CPE: variants seen among roughly 807,000 people sequenced by gnomAD.
The protein encoded by CPE is carbocypeptidase E.
A neutral mutation model predicts 53.5 loss-of-function variants in CPE; 17 were observed. That is an observed-to-expected ratio of 0.32 (90% confidence interval 0.22 to 0.48). The LOEUF (loss-of-function observed/expected upper bound fraction) is 0.48. Ranked by LOEUF, CPE falls within the 20% of genes least tolerant of loss-of-function variation. CPE has a pLI of 0.99. For synonymous variants in CPE, 226 were observed against 228.8 expected (o/e 0.99, Z 0.11); for missense variants, 524 against 614.7 (o/e 0.85, Z 1.56).
intron 1 of CPE, chr4:165,404,772 C>G: frequency 2.6e-6 from 2 of 779,294 alleles, no homozygotes; most frequent in East Asian, 2.4e-5. Flanking sequence ...TGCTTGAGAC[C>G]GATTGCTACA....
intron 1 of CPE, among the ~76,000 whole-genome samples, chr4:165,392,627 AATG>A (rs1158386190): frequency 6.8e-6 from 1 of 146,642 alleles, no homozygotes; most frequent in Non-Finnish European, 1.5e-5. Context: ...ATACTATTAT[AATG>A]ATATTATAAA....
intron 5 of CPE, among the ~76,000 whole-genome samples, chr4:165,486,365 T>C (rs1465192101): frequency 6.6e-6 from 1 of 152,232 alleles, no homozygotes; most frequent in Non-Finnish European, 1.5e-5. Flanking sequence ...ATATTCTCTT[T>C]GGTGCTATTT....
chr4:165,441,641 A>T (rs1377390269), intron 1 of CPE, among the ~76,000 whole-genome samples: 5 of 152,132 alleles, frequency 3.3e-5, no homozygotes, highest in Non-Finnish European at 5.9e-5. Flanking sequence ...CTTTTTACAG[A>T]TCTTTAAGAA....
chr4:165,406,497 C>T (rs1213869065), intron 1 of CPE: 2 of 199,556 alleles, frequency 1.0e-5, no homozygotes, highest in East Asian at 2.7e-4. Flanking sequence ...TTGTACTGTT[C>T]TTAAGCTCCC....
chr4:165,430,606 G>A (rs1000161745), intron 1 of CPE, among the ~76,000 whole-genome samples: 1 of 152,012 alleles, frequency 6.6e-6, no homozygotes, highest in African/African-American at 2.4e-5. Flanking sequence ...CATATAGTTT[G>A]CACTTCATGT....
chr4:165,493,210 G>A lies in CPE; in HGVS notation c.1153G>A (p.Gly385Ser), dbSNP rs746859518. 2 of 1,614,016 alleles carry A rather than the reference G, an allele frequency of 1.2e-6. No individual in the cohort carries two copies. The highest frequency in any genetic ancestry group is 1.7e-6 in the Non-Finnish European group (2 of 1,179,956). Residue 385 changes from glycine to serine, a missense_variant, in exon 7 of 9, where the codon GGT becomes AGT. Coordinates refer to ENST00000402744, the MANE Select transcript of CPE (RefSeq NM_001873.4). ...TAAAGGATTTGTCCGAGACCTTCAA[G>A]GTAACCCAATTGCGAATGCCACCAT... is the stretch of plus-strand genomic sequence containing the variant. ...GVKGFVRDLQ[G>S]NPIANATISV...
chr4:165,462,769 G>T (rs1372953164), intron 1 of CPE, among the ~76,000 whole-genome samples: 2 of 152,086 alleles, frequency 1.3e-5, no homozygotes, highest in Non-Finnish European at 2.9e-5. Context: ...ACTGAGGGGG[G>T]TATAAATAGC....
intron 3 of CPE, among the ~76,000 whole-genome samples, chr4:165,472,238 A>G (rs1732219627): frequency 2.6e-5 from 4 of 152,210 alleles, no homozygotes; most frequent in Admixed American, 2.6e-4. Flanking sequence ...GAGAGTCCTG[A>G]AAGTTCTTTC....
At chr4:165,452,808 C>T (rs778440911) in intron 1 of CPE, among the ~76,000 whole-genome samples, 11 of 152,150 alleles carry the variant, frequency 7.2e-5, no homozygotes, top group South Asian at 2.1e-4. Context: ...CCTTCTCAAT[C>T]CTGCCCTGGC....
At chr4:165,412,508 G>A (rs1046038439) in intron 1 of CPE, among the ~76,000 whole-genome samples, 3 of 152,068 alleles carry the variant, frequency 2.0e-5, no homozygotes, top group East Asian at 1.9e-4. Flanking sequence ...TTATTATCTC[G>A]ATTTTACAGA....
At chr4:165,420,432 A>G (rs760921201) in intron 1 of CPE, among the ~76,000 whole-genome samples, 2 of 152,132 alleles carry the variant, frequency 1.3e-5, no homozygotes, top group Non-Finnish European at 2.9e-5. Flanking sequence ...GAGTAAAACA[A>G]CTATTTATTT....
rs1730928351 is a variant in CPE at position 165,404,917 on chromosome 4, TGGGAGA to T, written c.307+25392_307+25397del. On this transcript the variant is annotated intron_variant, in intron 1 of 8. Transcript: ENST00000402744. ...TGCTGACAGCAGCGATTTCACTGAC[TGGGAGA>T]GGAGATGTGTTACTAGCAAAGACGT... 21 of 760,656 alleles carry T rather than the reference TGGGAGA, an allele frequency of 2.8e-5. No homozygotes were observed. In the South Asian group the frequency reaches 2.8e-4, roughly 10 times the overall value. The allele number at this position is 760,656 out of a possible 1,614,324, so 47.1% of individuals were successfully genotyped here. A position where few individuals can be genotyped will look rare whatever the true frequency, so the allele number is the denominator to read the frequency against.
chr4:165,423,783 T>C (rs1422971152), intron 1 of CPE, among the ~76,000 whole-genome samples: 2 of 127,902 alleles, frequency 1.6e-5, no homozygotes, highest in East Asian at 2.6e-4. Context: ...CCCAATGCTA[T>C]CCCTCCCCCC....
chr4:165,406,215 A>G (rs1730951468), intron 1 of CPE: 1 of 666,840 alleles, frequency 1.5e-6, no homozygotes, highest in South Asian at 1.4e-5. Context: ...ATCCCCTTTG[A>G]CTCCATAGTT....
At chr4:165,438,680 G>A (rs1187243068) in intron 1 of CPE, among the ~76,000 whole-genome samples, 1 of 152,206 alleles carries the variant, frequency 6.6e-6, no homozygotes, top group East Asian at 1.9e-4. Flanking sequence ...GTTTTAAAAA[G>A]ATGAAACAGA....
rs1202649151 is a variant in CPE at position 165,463,365 on chromosome 4, T to G, written c.308-1025T>G. 7.9e-5 allele frequency among the ~76,000 whole-genome samples: 12 copies of G among 152,322 alleles called. No individual in the cohort carries two copies. In the East Asian group the frequency reaches 2.3e-3, roughly 29 times the overall value. ...GCACTTGCTATTTGTCAGGCACTGTTCTAAGCATTTACATTCATTATTTTA... is the reference window on the plus strand; with the variant it reads ...GCACTTGCTATTTGTCAGGCACTGTGCTAAGCATTTACATTCATTATTTTA... On this transcript the variant is annotated intron_variant, in intron 1 of 8. Coordinates refer to ENST00000402744, the MANE Select transcript of CPE (RefSeq NM_001873.4).
intron 1 of CPE, among the ~76,000 whole-genome samples, chr4:165,390,942 G>A (rs952977367): frequency 1.9e-4 from 29 of 152,052 alleles, no homozygotes; most frequent in Middle Eastern, 6.4e-3. Context: ...CTATTGTTTC[G>A]AGACTTCTGA....
chr4:165,475,288 G>T (rs1385464040), intron 3 of CPE, among the ~76,000 whole-genome samples: 1 of 152,196 alleles, frequency 6.6e-6, no homozygotes, highest in Non-Finnish European at 1.5e-5. Flanking sequence ...GCCCTGGAGG[G>T]TAACAGGGAC....
At chr4:165,417,678 T>C (rs1372224770) in intron 1 of CPE, among the ~76,000 whole-genome samples, 2 of 151,916 alleles carry the variant, frequency 1.3e-5, no homozygotes, top group Non-Finnish European at 2.9e-5. Context: ...CTAGATCATA[T>C]CAGTATAAAT....
Sources: gnomAD v4.1 joint callset for allele counts (sites outside exome capture counted in the v4.1 genomes callset) on GRCh38, gnomAD v4.1.1 for gene constraint, MANE v1.5 for transcripts, NCBI Gene and HGNC (gene_info 2026-07-23, HGNC 2026-07-21) for gene names.